The following LRSAM1 variants were observed in gnomAD, a reference collection of about 807,000 sequenced individuals.
The protein encoded by LRSAM1 is leucine rich repeat and sterile alpha motif containing 1.
LRSAM1 carries 96 observed loss-of-function variants against 118.1 expected under a neutral mutation model. The observed-to-expected ratio is 0.81, with a 90% CI of 0.69 to 0.96. The LOEUF is 0.96. LRSAM1 is among the 40% of genes least tolerant of loss of function. LRSAM1 has a pLI of 0.00. For missense variants in LRSAM1, 804 were observed against 915.5 expected (o/e 0.88, Z 1.57); for synonymous variants, 322 against 364.2 (o/e 0.88, Z 1.32).
rs1402376662 is a variant in LRSAM1, at chr9:127,485,840, G to T, written c.1259+5G>T. The T allele has an allele frequency of 6.2e-7, 1 of 1,613,968 alleles. No individual in the cohort carries two copies. ...GGTCCAGCAGGCCTGTTCCAGGTAA[G>T]GTAAGGAAGAGGAGTCCCAGGTGAG... is the stretch of plus-strand genomic sequence containing the variant. On this transcript the variant is annotated splice_donor_5th_base_variant and intron_variant, in intron 17 of 25. Transcript: ENST00000300417.
chr9:127,494,109 T>C (rs572891810), intron 21 of LRSAM1, among the ~76,000 whole-genome samples: 2 of 152,306 alleles, frequency 1.3e-5, no homozygotes, highest in South Asian at 2.1e-4. Context: ...CCTGCCCTTG[T>C]AGGCCTTGGG....
At chr9:127,467,955 C>A in intron 10 of LRSAM1, 125 bp downstream of exon 10, 1 of 907,358 alleles carries the variant, frequency 1.1e-6, no homozygotes, top group South Asian at 1.4e-5. Context: ...GCTTGGAGTT[C>A]GAGGTCTGGC....
intron 9 of LRSAM1, among the ~76,000 whole-genome samples, chr9:127,463,653 C>T (rs1354548535): frequency 6.6e-6 from 1 of 152,160 alleles, no homozygotes; most frequent in Non-Finnish European, 1.5e-5. Context: ...AAGATGCTAT[C>T]TCCACATACA....
chr9:127,483,065 T>A, intron 16 of LRSAM1, 45 bp downstream of exon 16: 2 of 1,577,780 alleles, frequency 1.3e-6, no homozygotes, highest in Non-Finnish European at 1.7e-6. Flanking sequence ...GCCTGCTGGC[T>A]GGGCTGGCAG....
In LRSAM1 at chr9:127,497,334, G is replaced by C; in HGVS notation, c.1912G>C (p.Glu638Gln). 3.7e-6 allele frequency: 6 copies of C among 1,611,976 alleles called. No homozygotes were observed. The highest frequency in any genetic ancestry group is 5.1e-6 in the Non-Finnish European group (6 of 1,179,850). ...ELLDAARIQP[E>Q]LKPPMGEVVT... ...GCTGGATGCAGCCAGGATCCAGCCA[G>C]GTACAAGCACAGCTCCAGCCTCTTC... is the stretch of plus-strand genomic sequence containing the variant. Residue 638 changes from glutamate (E) to glutamine (Q), a missense_variant and splice_region_variant, in exon 24 of 26, where the codon GAG becomes CAG. Transcript: ENST00000300417.
At chr9:127,496,133 C>A in intron 23 of LRSAM1, 38 bp downstream of exon 23, 1 of 1,601,742 alleles carries the variant, frequency 6.2e-7, no homozygotes, top group South Asian at 1.1e-5. Flanking sequence ...GAGGGGCACG[C>A]AAGGCCGCTG....
intron 23 of LRSAM1, among the ~76,000 whole-genome samples, chr9:127,496,942 A>C (rs1383606349): frequency 6.6e-6 from 1 of 152,254 alleles, no homozygotes; most frequent in Admixed American, 6.5e-5. Context: ...TGAGGTGTGC[A>C]GGTGAAGCCT....
intron 17 of LRSAM1, among the ~76,000 whole-genome samples, chr9:127,487,261 A>G (rs1440085112): frequency 6.6e-6 from 1 of 151,752 alleles, no homozygotes; most frequent in Non-Finnish European, 1.5e-5. Context: ...TGCCCAAGTC[A>G]AGGGCTGCTC....
At chr9:127,484,810 C>CTT (rs1376461812) in intron 16 of LRSAM1, among the ~76,000 whole-genome samples, 22 of 135,190 alleles carry the variant, frequency 1.6e-4, no homozygotes, top group Non-Finnish European at 2.5e-4. Flanking sequence ...TTCTTTTTTT[C>CTT]TTTTTTTTTT....
chr9:127,467,695 TG>T (rs1191419107), intron 9 of LRSAM1, 44 bp from the exon 10 acceptor site: 1 of 1,550,476 alleles, frequency 6.4e-7, no homozygotes, highest in African/African-American at 1.4e-5. Flanking sequence ...GGTCTCCGGT[TG>T]CGTTGGTAGC....
chr9:127,481,219 A>G lies in LRSAM1; in HGVS notation c.1080A>G (p.Glu360=), dbSNP rs150936510. 6.2e-7 allele frequency: 1 copy of G among 1,613,690 alleles called. No homozygotes were observed. Among genetic ancestry groups the G allele is most frequent in the African/African-American group, 1.3e-5 (1 of 74,908 alleles). The part of the protein sequence containing the change: ...KKSSEILKSL[E]NERIRMEQLM... Reference sequence around the variant, plus strand: ...GCTCCGAGATTTTGAAATCGCTGGAAAATGAAAGGTAAGTGTTCTTCCAGG... The same window carrying G: ...GCTCCGAGATTTTGAAATCGCTGGAGAATGAAAGGTAAGTGTTCTTCCAGG... The change falls in exon 15 of 26, where the codon GAA becomes GAG. Residue 360 remains glutamate, a synonymous_variant. Coordinates refer to ENST00000300417, the MANE Select transcript of LRSAM1 (RefSeq NM_001005373.4).
intron 22 of LRSAM1, 108 bp from the exon 23 acceptor site, chr9:127,495,851 TCCCGA>T: frequency 6.7e-7 from 1 of 1,484,730 alleles, no homozygotes; most frequent in South Asian, 1.2e-5. Context: ...GTAGGAAAAA[TCCCGA>T]GTACATTCTA....
chr9:127,481,980 TC>T (rs1321479065), intron 15 of LRSAM1, among the ~76,000 whole-genome samples: 2 of 151,946 alleles, frequency 1.3e-5, no homozygotes, highest in Non-Finnish European at 2.9e-5. Flanking sequence ...AATCTAAATT[TC>T]TGGAAAGAAA....
intron 12 of LRSAM1, among the ~76,000 whole-genome samples, 173 bp from the exon 13 acceptor site, chr9:127,479,210 C>A (rs1274144751): frequency 3.3e-5 from 5 of 152,152 alleles, no homozygotes; most frequent in Non-Finnish European, 7.4e-5. Context: ...CCACTAGCCT[C>A]TTCCTGTGAA....
chr9:127,461,321 C>G, intron 8 of LRSAM1, 64 bp downstream of exon 8: 1 of 1,474,030 alleles, frequency 6.8e-7, no homozygotes, highest in Non-Finnish European at 9.4e-7. Flanking sequence ...TGGCCGGGAT[C>G]CACAGGCTGC....
intron 15 of LRSAM1, among the ~76,000 whole-genome samples, chr9:127,482,344 T>C (rs912137033): frequency 6.6e-6 from 1 of 152,086 alleles, no homozygotes. Context: ...AGTTTCACCA[T>C]GTTGGCCAGG....
intron 22 of LRSAM1, 76 bp downstream of exon 22, chr9:127,495,494 C>A: frequency 1.7e-6 from 2 of 1,179,754 alleles, no homozygotes; most frequent in Non-Finnish European, 2.5e-6. Context: ...GTGCCTCCAC[C>A]ATGCTCTGCC....
intron 11 of LRSAM1, 115 bp downstream of exon 11, chr9:127,474,046 T>C: frequency 6.7e-7 from 1 of 1,500,036 alleles, no homozygotes; most frequent in Non-Finnish European, 9.1e-7. Flanking sequence ...AGCTCCCAGA[T>C]TCCTCCATAG....
At chr9:127,482,863 C>A in intron 15 of LRSAM1, 87 bp from the exon 16 acceptor site, 1 of 1,299,114 alleles carries the variant, frequency 7.7e-7, no homozygotes, top group Non-Finnish European at 1.1e-6. Context: ...ATCAAGGAGG[C>A]CTTCCTGGAG....
Sources: gnomAD v4.1 joint callset for allele counts (sites outside exome capture counted in the v4.1 genomes callset) on GRCh38, gnomAD v4.1.1 for gene constraint, MANE v1.5 for transcripts, NCBI Gene and HGNC (gene_info 2026-07-23, HGNC 2026-07-21) for gene names.